ARFIP1: variants seen among roughly 807,000 people sequenced by gnomAD.
ARFIP1 encodes the protein ARF interacting protein 1, also known as arfaptin-1.
A neutral mutation model predicts 42.5 loss-of-function variants in ARFIP1; 24 were observed. That is an observed-to-expected ratio of 0.57 (90% CI 0.41 to 0.80). The LOEUF (loss-of-function observed/expected upper bound fraction) is 0.80, where lower values mean the gene tolerates loss of function less well. Ranked by LOEUF, ARFIP1 falls within the 30% of genes least tolerant of loss-of-function variation. The pLI is 0.00. For missense variants in ARFIP1, 354 were observed against 434.0 expected, an observed-to-expected ratio of 0.82 and a Z score of 1.64; for synonymous variants, 141 against 153.7, an observed-to-expected ratio of 0.92 and a Z score of 0.61.
chr4:152,867,173 G>T (rs907135322), intron 3 of ARFIP1, among the ~76,000 whole-genome samples: 1 of 152,158 alleles, frequency 6.6e-6, no homozygotes, highest in Non-Finnish European at 1.5e-5. Flanking sequence ...GTAGCGAGCC[G>T]AGATCACGCC....
chr4:152,840,713 CTTTTTT>C, intron 2 of ARFIP1, among the ~76,000 whole-genome samples: 1 of 107,798 alleles, frequency 9.3e-6, no homozygotes, highest in Middle Eastern at 5.0e-3. Context: ...GGCTCTGTAT[CTTTTTT>C]TTTTTTTTTT....
intron 8 of ARFIP1, among the ~76,000 whole-genome samples, chr4:152,891,609 TG>T (rs1213260099): frequency 6.6e-5 from 10 of 152,228 alleles, no homozygotes; most frequent in African/African-American, 2.4e-4. Context: ...CTAGGTTTTT[TG>T]TTCTTTTGTT....
intron 8 of ARFIP1, among the ~76,000 whole-genome samples, chr4:152,890,325 C>G (rs1395599130): frequency 1.3e-5 from 2 of 152,004 alleles, no homozygotes; most frequent in East Asian, 1.9e-4. Flanking sequence ...GAAGGAGACA[C>G]TTTTCATTTA....
chr4:152,888,411 A>C, intron 8 of ARFIP1, 104 bp downstream of exon 8: 2 of 754,078 alleles, frequency 2.7e-6, no homozygotes, highest in Non-Finnish European at 4.1e-6. Flanking sequence ...TGACAATTGC[A>C]AGAAGGAATT....
At chr4:152,841,892 G>A (rs948231891) in intron 2 of ARFIP1, among the ~76,000 whole-genome samples, 3 of 152,082 alleles carry the variant, frequency 2.0e-5, no homozygotes, top group East Asian at 1.9e-4. Context: ...CACCCGTCTC[G>A]AGGAAATCTC....
At chr4:152,830,763 C>T (rs970194048) in intron 2 of ARFIP1, among the ~76,000 whole-genome samples, 5 of 152,072 alleles carry the variant, frequency 3.3e-5, no homozygotes, top group Non-Finnish European at 7.4e-5. Context: ...CCAGTAGTAC[C>T]CTGCAGTTAT....
intron 8 of ARFIP1, among the ~76,000 whole-genome samples, chr4:152,889,915 A>ATGTAT (rs1473274311): frequency 7.2e-6 from 1 of 138,374 alleles, no homozygotes; most frequent in African/African-American, 2.7e-5. Context: ...ATACTAATAT[A>ATGTAT]TAGTGTATGT....
intron 2 of ARFIP1, among the ~76,000 whole-genome samples, chr4:152,842,801 A>T (rs888726730): frequency 1.3e-5 from 2 of 151,932 alleles, no homozygotes; most frequent in African/African-American, 2.4e-5. Context: ...TATTTCCTTG[A>T]ATATTTCTCC....
intron 1 of ARFIP1, among the ~76,000 whole-genome samples, chr4:152,789,811 G>A (rs1299194788): frequency 1.3e-5 from 2 of 152,140 alleles, no homozygotes; most frequent in Admixed American, 6.5e-5. Flanking sequence ...TCCTGTCATT[G>A]TGAGACTTTT....
chr4:152,870,139 T>TC, intron 3 of ARFIP1, among the ~76,000 whole-genome samples: 1 of 152,276 alleles, frequency 6.6e-6, no homozygotes, highest in South Asian at 2.1e-4. Context: ...CTGGGCAGGG[T>TC]CTGAGATTTT....
At chr4:152,860,690 G>A (rs1265232828) in intron 2 of ARFIP1, among the ~76,000 whole-genome samples, 1 of 152,172 alleles carries the variant, frequency 6.6e-6, no homozygotes, top group East Asian at 1.9e-4. Context: ...GCCATTCCCA[G>A]ACACAATCCC....
rs548040115 is a variant in ARFIP1, at chr4:152,814,054, G to GT, written c.-9-15566dup. ...TTCGATATAGAATTCTAGGTGGACA[G>GT]TTTTTCTTTTGTTCTTCTTCTTCTG... On this transcript the variant is annotated intron_variant, in intron 1 of 8. Coordinates refer to ENST00000353617, the MANE Select transcript of ARFIP1 (RefSeq NM_001025595.3). Among the ~76,000 whole-genome samples, 156 of 149,932 alleles carry GT rather than the reference G, an allele frequency of 1.0e-3. 1 individual carries two copies. Among genetic ancestry groups the GT allele is most frequent in the African/African-American group, 3.1e-3 (127 of 40,916 alleles).
intron 2 of ARFIP1, among the ~76,000 whole-genome samples, chr4:152,833,404 T>C (rs1439527906): frequency 6.6e-6 from 1 of 152,200 alleles, no homozygotes; most frequent in African/African-American, 2.4e-5. Flanking sequence ...GACCCTTATA[T>C]ACTGTTAGTG....
chr4:152,799,330 G>A (rs1200080487), intron 1 of ARFIP1, among the ~76,000 whole-genome samples: 1 of 152,052 alleles, frequency 6.6e-6, no homozygotes, highest in Non-Finnish European at 1.5e-5. Context: ...GAGAAATGGC[G>A]ACTGATTTAG....
At position 152,852,549 on chromosome 4, in the gene ARFIP1, C is replaced by T. The variant is rs141917270; in HGVS notation, c.94-11057C>T. On this transcript the variant is annotated intron_variant, in intron 2 of 8. Coordinates refer to ENST00000353617, the MANE Select transcript of ARFIP1 (RefSeq NM_001025595.3). ...TCAGGAGGCTGAGGCAGGAGAATTG[C>T]TTGAACCTGGGAGGCGGAGGTTGCA... is the stretch of plus-strand genomic sequence containing the variant. 9.6e-3 allele frequency among the ~76,000 whole-genome samples: 1,459 copies of T among 152,004 alleles called. 29 individuals are homozygous for T. Among genetic ancestry groups the T allele is most frequent in the African/African-American group, 0.033 (1,357 of 41,448 alleles).
chr4:152,847,159 C>T (rs1342085547), intron 2 of ARFIP1, among the ~76,000 whole-genome samples: 3 of 38,352 alleles, frequency 7.8e-5, no homozygotes, highest in African/African-American at 2.7e-4. Context: ...GAGACAGAGT[C>T]TCACTCTGTC....
chr4:152,813,142 T>C (rs901319802), intron 1 of ARFIP1, among the ~76,000 whole-genome samples: 3 of 152,190 alleles, frequency 2.0e-5, no homozygotes, highest in Non-Finnish European at 4.4e-5. Context: ...AATAATACAG[T>C]GTAACAGTTA....
chr4:152,860,750 A>T (rs1733825343), intron 2 of ARFIP1, among the ~76,000 whole-genome samples: 1 of 152,212 alleles, frequency 6.6e-6, no homozygotes, highest in Admixed American at 6.5e-5. Context: ...CTGGACAGAT[A>T]TTTGTTTAGC....
At chr4:152,824,879 A>G (rs1253511747) in intron 1 of ARFIP1, among the ~76,000 whole-genome samples, 1 of 152,078 alleles carries the variant, frequency 6.6e-6, no homozygotes, top group Admixed American at 6.6e-5. Context: ...AAATAGTAGC[A>G]CTGCTATACA....
Sources: allele counts gnomAD v4.1 joint callset (sites outside exome capture counted in the v4.1 genomes callset), GRCh38; gene constraint gnomAD v4.1.1; transcripts MANE v1.5; gene names NCBI Gene and HGNC (gene_info 2026-07-23, HGNC 2026-07-21).